Variants in SLC12A8 observed in about 807,000 individuals in gnomAD.
SLC12A8 encodes the protein cation-chloride cotransporter 9.
Under a neutral mutation model 75.6 loss-of-function variants are expected in SLC12A8, and 69 were observed. That is an observed-to-expected ratio of 0.91 (90% CI 0.75 to 1.11). SLC12A8 has a LOEUF of 1.11. Among genes scored for constraint, SLC12A8 ranks in the 50% most tolerant of loss-of-function variants. SLC12A8 has a pLI of 0.00. For missense variants in SLC12A8, 877 were observed against 896.7 expected (o/e 0.98, Z 0.28); for synonymous variants, 365 against 372.8 (o/e 0.98, Z 0.24).
At chr3:125,130,499 C>T (rs1933324069) in intron 6 of SLC12A8, among the ~76,000 whole-genome samples, 1 of 151,522 alleles carries the variant, frequency 6.6e-6, no homozygotes, top group African/African-American at 2.4e-5. Flanking sequence ...AGCTGAAGCA[C>T]GAGAATCTCT....
At chr3:125,131,855 C>T (rs1435631367) in intron 6 of SLC12A8, among the ~76,000 whole-genome samples, 1 of 152,156 alleles carries the variant, frequency 6.6e-6, no homozygotes, top group Non-Finnish European at 1.5e-5. Context: ...GAGAGAGAGG[C>T]TGTTCCCAGG....
At chr3:125,159,933 G>A (rs1162178337) in intron 5 of SLC12A8, among the ~76,000 whole-genome samples, 1 of 152,152 alleles carries the variant, frequency 6.6e-6, no homozygotes, top group Non-Finnish European at 1.5e-5. Flanking sequence ...GATGCAACTG[G>A]AAAGAAGCAA....
At chr3:125,090,992 C>A (rs1938566969) in intron 12 of SLC12A8, among the ~76,000 whole-genome samples, 1 of 151,922 alleles carries the variant, frequency 6.6e-6, no homozygotes, top group African/African-American at 2.4e-5. Flanking sequence ...TCTCATTTGT[C>A]CTTTATTATC....
intron 5 of SLC12A8, among the ~76,000 whole-genome samples, chr3:125,157,973 A>G (rs1172056994): frequency 6.6e-6 from 1 of 152,132 alleles, no homozygotes; most frequent in Admixed American, 6.5e-5. Context: ...TGGAGGAGAG[A>G]GGGAGATCTA....
At chr3:125,127,916 C>A (rs888251926) in intron 6 of SLC12A8, among the ~76,000 whole-genome samples, 1 of 151,794 alleles carries the variant, frequency 6.6e-6, no homozygotes, top group African/African-American at 2.4e-5. Flanking sequence ...ATCACTTTGT[C>A]GCCAGATTGG....
chr3:125,125,025 C>A (rs1933162983), intron 6 of SLC12A8, among the ~76,000 whole-genome samples: 1 of 151,700 alleles, frequency 6.6e-6, no homozygotes, highest in Non-Finnish European at 1.5e-5. Flanking sequence ...CGGTGCTGGG[C>A]TATTGTAGTG....
chr3:125,092,031 C>T (rs913601976), intron 11 of SLC12A8, 70 bp downstream of exon 11: 24 of 1,112,648 alleles, frequency 2.2e-5, no homozygotes, highest in Non-Finnish European at 3.2e-5. Context: ...TCCCCCACAG[C>T]CCAAGATCAC....
In SLC12A8 at chr3:125,099,661, G is replaced by A. The variant is rs1054440274; in HGVS notation, c.1706-7463C>T. ...TATAAACTAAAGGCCAGGTACAGTG[G>A]CTCATGCCTGTAATCCCAGCACTTT... On this transcript the variant is annotated intron_variant, in intron 10 of 13. Coordinates refer to ENST00000469902, the MANE Select transcript of SLC12A8 (RefSeq NM_024628.6). Among the ~76,000 whole-genome samples, 3 of 152,200 alleles carry A rather than the reference G, an allele frequency of 2.0e-5. No individual in the cohort carries two copies. In the South Asian group the frequency reaches 6.2e-4, roughly 32 times the overall value.
chr3:125,181,558 G>A (rs1330580664), intron 4 of SLC12A8, among the ~76,000 whole-genome samples: 23 of 133,562 alleles, frequency 1.7e-4, no homozygotes, highest in African/African-American at 6.2e-4. Flanking sequence ...CCGAGATTGC[G>A]CCACTGCAGT....
chr3:125,131,725 T>G (rs895145106), intron 6 of SLC12A8, among the ~76,000 whole-genome samples: 3 of 152,108 alleles, frequency 2.0e-5, no homozygotes, highest in African/African-American at 4.8e-5. Flanking sequence ...AAAACAAGCA[T>G]GAGTCCCTTC....
chr3:125,112,259 T>C (rs1454328164), intron 8 of SLC12A8, among the ~76,000 whole-genome samples: 1 of 152,194 alleles, frequency 6.6e-6, no homozygotes, highest in African/African-American at 2.4e-5. Context: ...CATCTCATGC[T>C]TATCCCCAAA....
At chr3:125,203,232 C>T (rs919495908) in intron 2 of SLC12A8, among the ~76,000 whole-genome samples, 3 of 148,086 alleles carry the variant, frequency 2.0e-5, no homozygotes, top group African/African-American at 7.5e-5. Flanking sequence ...AAAAAAAAAA[C>T]CCTAAAATTT....
At chr3:125,201,841 A>G (rs144632065) in intron 2 of SLC12A8, among the ~76,000 whole-genome samples, 10 of 152,330 alleles carry the variant, frequency 6.6e-5, no homozygotes, top group African/African-American at 2.4e-4. Flanking sequence ...ATTAAATTAT[A>G]CTTGATAATT....
At chr3:125,163,078 T>C (rs751979818) in intron 5 of SLC12A8, among the ~76,000 whole-genome samples, 42 of 149,658 alleles carry the variant, frequency 2.8e-4, no homozygotes, top group Non-Finnish European at 5.8e-4. Context: ...CCAAGACAGG[T>C]GGACTATTTG....
chr3:125,120,085 C>G (rs535392628), intron 7 of SLC12A8, among the ~76,000 whole-genome samples: 41 of 152,254 alleles, frequency 2.7e-4, no homozygotes, highest in African/African-American at 8.9e-4. Flanking sequence ...CTCTCCCCGC[C>G]GCAATCTAGG....
intron 2 of SLC12A8, among the ~76,000 whole-genome samples, chr3:125,193,561 C>G (rs563798850): frequency 6.6e-6 from 1 of 152,204 alleles, no homozygotes; most frequent in African/African-American, 2.4e-5. Context: ...CGTGCTCTCC[C>G]GTTCTCTTCA....
chr3:125,174,319 C>CA (rs1300162633), intron 5 of SLC12A8, among the ~76,000 whole-genome samples: 2 of 151,882 alleles, frequency 1.3e-5, no homozygotes, highest in Non-Finnish European at 2.9e-5. Context: ...AAAACAAAAA[C>CA]AAAAAAACTG....
chr3:125,204,605 G>A (rs921721077), intron 2 of SLC12A8, among the ~76,000 whole-genome samples: 2 of 152,040 alleles, frequency 1.3e-5, no homozygotes, highest in African/African-American at 4.8e-5. Context: ...AAGAGAGGTT[G>A]GTTAATGGGT....
chr3:125,142,008 C>T (rs1933659613), intron 5 of SLC12A8, among the ~76,000 whole-genome samples: 1 of 152,184 alleles, frequency 6.6e-6, no homozygotes, highest in African/African-American at 2.4e-5. Context: ...GCGCGAGGCT[C>T]CTCAGCAAAG....
Sources: gnomAD v4.1 joint callset for allele counts (sites outside exome capture counted in the v4.1 genomes callset) on GRCh38, gnomAD v4.1.1 for gene constraint, MANE v1.5 for transcripts, NCBI Gene and HGNC (gene_info 2026-07-23, HGNC 2026-07-21) for gene names.